Variants in TAFA2 observed in about 807,000 individuals in gnomAD.
TAFA2 encodes the protein chemokine-like protein TAFA-2.
A neutral mutation model predicts 18.8 loss-of-function variants in TAFA2; 7 were observed. The ratio of observed to expected loss-of-function variants is 0.37; its 90% CI spans 0.21 to 0.70. The LOEUF is 0.70. Among genes scored for constraint, TAFA2 ranks in the 30% least tolerant of loss-of-function variants. The pLI is 0.53. For missense variants in TAFA2, 122 were observed against 158.1 expected (o/e 0.77, Z 1.23); for synonymous variants, 60 against 54.2 (o/e 1.11, Z -0.47).
chr12:61,860,656 G>A (rs1874088868), intron 2 of TAFA2, among the ~76,000 whole-genome samples: 1 of 152,136 alleles, frequency 6.6e-6, no homozygotes, highest in African/African-American at 2.4e-5. Context: ...CAGCTCCAGT[G>A]AATTCTTTGT....
intron 1 of TAFA2, among the ~76,000 whole-genome samples, chr12:61,961,874 C>T (rs1267722168): frequency 6.6e-6 from 1 of 151,952 alleles, no homozygotes; most frequent in Non-Finnish European, 1.5e-5. Flanking sequence ...TTTCCTGTTG[C>T]CTACTTAAAA....
At chr12:62,164,005 G>C (rs1239256332) in intron 1 of TAFA2, among the ~76,000 whole-genome samples, 4 of 152,186 alleles carry the variant, frequency 2.6e-5, no homozygotes, top group Admixed American at 2.6e-4. Context: ...TCATAGCTGA[G>C]ATATAATTTA....
chr12:61,769,028 T>C (rs1050826404), intron 2 of TAFA2, among the ~76,000 whole-genome samples: 2 of 151,956 alleles, frequency 1.3e-5, no homozygotes, highest in Non-Finnish European at 1.5e-5. Flanking sequence ...GAAATTGTTC[T>C]TCAGGCTGCA....
At chr12:62,134,017 G>A (rs1870794547) in intron 1 of TAFA2, among the ~76,000 whole-genome samples, 1 of 152,060 alleles carries the variant, frequency 6.6e-6, no homozygotes, top group South Asian at 2.1e-4. Context: ...CTCTTTGCAA[G>A]AACCTCAAAC....
At chr12:61,999,253 C>T (rs758786758) in intron 1 of TAFA2, among the ~76,000 whole-genome samples, 6 of 152,150 alleles carry the variant, frequency 3.9e-5, no homozygotes, top group African/African-American at 7.2e-5. Flanking sequence ...ATGTCCCATA[C>T]GCTTCATGCA....
chr12:61,894,508 C>T (rs1258678470), intron 1 of TAFA2, among the ~76,000 whole-genome samples: 1 of 152,118 alleles, frequency 6.6e-6, no homozygotes, highest in Admixed American at 6.6e-5. Flanking sequence ...ATTTGGGGAG[C>T]ACAAAGACAA....
chr12:61,948,810 G>C (rs748448590), intron 1 of TAFA2, among the ~76,000 whole-genome samples: 1 of 152,116 alleles, frequency 6.6e-6, no homozygotes, highest in Non-Finnish European at 1.5e-5. Flanking sequence ...ACACCTCAGC[G>C]TCTTAGCTCT....
intron 2 of TAFA2, among the ~76,000 whole-genome samples, chr12:61,844,375 CAT>C (rs1447124060): frequency 2.0e-5 from 3 of 152,090 alleles, no homozygotes; most frequent in Admixed American, 6.6e-5. Context: ...AGAACTGAAT[CAT>C]GTGTACGGAG....
In TAFA2 at chr12:61,941,218, AC is replaced by A. The variant is rs1259601161; in HGVS notation, c.-1-73793del. Reference sequence around the variant, plus strand: ...CAGTACCAAAACAAAAACTTATATTACTAATAACTTTTATATAGACTACATG... The same window carrying A: ...CAGTACCAAAACAAAAACTTATATTATAATAACTTTTATATAGACTACATG... On this transcript the variant is annotated intron_variant, in intron 1 of 4. Coordinates refer to ENST00000416284, the MANE Select transcript of TAFA2 (RefSeq NM_178539.5). Among the ~76,000 whole-genome samples, 87 of 152,280 alleles carry A rather than the reference AC, an allele frequency of 5.7e-4. 1 individual carries two copies. In the East Asian group the frequency reaches 0.016, roughly 28 times the overall value.
At chr12:62,090,799 C>T (rs1868679642) in intron 1 of TAFA2, among the ~76,000 whole-genome samples, 1 of 152,048 alleles carries the variant, frequency 6.6e-6, no homozygotes, top group South Asian at 2.1e-4. Context: ...AAAAGTATCT[C>T]TCTTCTTTGG....
At chr12:61,998,913 C>G (rs180691136) in intron 1 of TAFA2, among the ~76,000 whole-genome samples, 2 of 152,176 alleles carry the variant, frequency 1.3e-5, no homozygotes. Context: ...ATTCACCTCC[C>G]GTATTGCAGG....
chr12:61,909,213 T>G (rs1202784549), intron 1 of TAFA2, among the ~76,000 whole-genome samples: 2 of 152,168 alleles, frequency 1.3e-5, no homozygotes, highest in African/African-American at 4.8e-5. Flanking sequence ...TCCATTATTT[T>G]ATGTGTAAAA....
intron 2 of TAFA2, among the ~76,000 whole-genome samples, chr12:61,825,555 G>C (rs1369547408): frequency 6.6e-6 from 1 of 152,072 alleles, no homozygotes; most frequent in Non-Finnish European, 1.5e-5. Context: ...TTTCAGATGA[G>C]TGTTGGGTTT....
At chr12:61,710,710 A>G (rs1289223707) in intron 4 of TAFA2, among the ~76,000 whole-genome samples, 3 of 152,218 alleles carry the variant, frequency 2.0e-5, no homozygotes, top group Non-Finnish European at 4.4e-5. Context: ...TCACACCCAG[A>G]GAGTGATTCT....
At chr12:62,019,009 G>T (rs1881031123) in intron 1 of TAFA2, among the ~76,000 whole-genome samples, 1 of 152,132 alleles carries the variant, frequency 6.6e-6, no homozygotes, top group Non-Finnish European at 1.5e-5. Flanking sequence ...CAACAAGTGG[G>T]CAAAGGATAT....
At chr12:62,257,120 CTGTG>C (rs2062943179) in intron 1 of TAFA2, among the ~76,000 whole-genome samples, 1 of 82,130 alleles carries the variant, frequency 1.2e-5, no homozygotes, top group Admixed American at 1.2e-4. Flanking sequence ...TGTGCTGATT[CTGTG>C]TGTGTGTATG....
chr12:61,904,095 C>T (rs954900881), intron 1 of TAFA2, among the ~76,000 whole-genome samples: 1 of 152,114 alleles, frequency 6.6e-6, no homozygotes, highest in African/African-American at 2.4e-5. Flanking sequence ...AACCTCAAAG[C>T]ATCCTTCTGT....
At chr12:61,915,321 C>T (rs1876778046) in intron 1 of TAFA2, among the ~76,000 whole-genome samples, 1 of 152,238 alleles carries the variant, frequency 6.6e-6, no homozygotes, top group East Asian at 1.9e-4. Context: ...CTACAAGCTC[C>T]CCACCAAGGG....
At chr12:61,755,772 T>C (rs916503278) in intron 2 of TAFA2, among the ~76,000 whole-genome samples, 4 of 152,058 alleles carry the variant, frequency 2.6e-5, no homozygotes, top group Admixed American at 1.3e-4. Flanking sequence ...GGACACTAAG[T>C]GTGTTGGATT....
Sources: gnomAD v4.1 joint callset for allele counts (sites outside exome capture counted in the v4.1 genomes callset) on GRCh38, gnomAD v4.1.1 for gene constraint, MANE v1.5 for transcripts, NCBI Gene and HGNC (gene_info 2026-07-23, HGNC 2026-07-21) for gene names.